The following CD82 variants were observed in gnomAD, a reference collection of about 807,000 sequenced individuals.
CD82 encodes the protein CD82 molecule, also known as CD82 antigen.
Under a neutral mutation model 37.4 loss-of-function variants are expected in CD82, and 36 were observed. The observed-to-expected ratio is 0.96, with a 90% CI of 0.74 to 1.27. CD82 has a LOEUF of 1.27. Ranked by LOEUF, CD82 falls within the 50% of genes most tolerant of loss-of-function variation. The pLI, the probability that CD82 is intolerant of heterozygous loss-of-function variation, is 0.00. For synonymous variants in CD82, 158 were observed against 137.4 expected, an observed-to-expected ratio of 1.15 and a Z score of -1.05; for missense variants, 340 against 347.0, an observed-to-expected ratio of 0.98 and a Z score of 0.16.
At position 44,582,795 on chromosome 11, in the gene CD82, G is replaced by T. The variant is rs182109600; in HGVS notation, c.-102-4680G>T. Among the ~76,000 whole-genome samples, 4 of 152,302 alleles carry T rather than the reference G, an allele frequency of 2.6e-5. No individual in the cohort carries two copies. In the East Asian group the frequency reaches 5.8e-4, roughly 22 times the overall value. On this transcript the variant is annotated intron_variant, in intron 1 of 9. Coordinates refer to ENST00000227155, the MANE Select transcript of CD82 (RefSeq NM_002231.4). ...AGAGCTTTCCGATCAATGAGCTGTT[G>T]AGATGGTTATCTCTGGAGCCCTTGA...
intron 1 of CD82, among the ~76,000 whole-genome samples, chr11:44,575,366 G>A (rs1852875925): frequency 6.6e-6 from 1 of 152,226 alleles, no homozygotes; most frequent in Admixed American, 6.5e-5. Flanking sequence ...CTCCCCAACA[G>A]TCTCCTGGAA....
intron 1 of CD82, among the ~76,000 whole-genome samples, chr11:44,580,297 C>T (rs1159726338): frequency 1.3e-5 from 2 of 152,244 alleles, no homozygotes; most frequent in African/African-American, 4.8e-5. Flanking sequence ...CTCTGTCTCA[C>T]TTACTCCTCT....
intron 6 of CD82, among the ~76,000 whole-genome samples, chr11:44,612,088 G>T (rs940589942): frequency 6.6e-6 from 1 of 152,228 alleles, no homozygotes; most frequent in African/African-American, 2.4e-5. Context: ...CACCCACTGG[G>T]GTTGAGAGGT....
chr11:44,593,918 A>G (rs1345186986), intron 2 of CD82, among the ~76,000 whole-genome samples: 2 of 152,236 alleles, frequency 1.3e-5, no homozygotes, highest in Admixed American at 1.3e-4. Context: ...ATAGAGAGTG[A>G]AGATTGTAGA....
chr11:44,604,813 A>T, intron 4 of CD82: 1 of 553,386 alleles, frequency 1.8e-6, no homozygotes, highest in Non-Finnish European at 3.2e-6. Flanking sequence ...CTTACGAAGT[A>T]AAAAATAAAG....
chr11:44,594,389 C>T (rs1317864501), intron 2 of CD82, among the ~76,000 whole-genome samples: 1 of 57,004 alleles, frequency 1.8e-5, no homozygotes, highest in African/African-American at 9.6e-5. Flanking sequence ...TTTGCTCCCA[C>T]CAGCCCCAGC....
At chr11:44,587,799 C>G (rs11038073) in intron 2 of CD82, 25,952 of 353,220 alleles carry the variant, frequency 0.073, 1,107 homozygotes, top group Middle Eastern at 0.12. Flanking sequence ...ACCTGACACA[C>G]CCCCAACCTG....
intron 1 of CD82, among the ~76,000 whole-genome samples, chr11:44,583,548 G>A (rs1034357662): frequency 6.6e-5 from 10 of 152,152 alleles, no homozygotes; most frequent in Admixed American, 2.0e-4. Context: ...GGCAGCAGGC[G>A]GCAGAGGTGT....
At chr11:44,571,353 G>T (rs1171875185) in intron 1 of CD82, among the ~76,000 whole-genome samples, 2 of 152,178 alleles carry the variant, frequency 1.3e-5, no homozygotes, top group African/African-American at 4.8e-5. Flanking sequence ...AATTGCCTAA[G>T]GATGATTCCC....
intron 1 of CD82, among the ~76,000 whole-genome samples, chr11:44,567,839 C>G (rs923599688): frequency 2.0e-5 from 3 of 152,198 alleles, no homozygotes; most frequent in African/African-American, 7.2e-5. Flanking sequence ...GAGGGATCTT[C>G]AGGGCCTTAC....
At chr11:44,601,051 G>A (rs1312245597) in intron 4 of CD82, among the ~76,000 whole-genome samples, 2 of 152,158 alleles carry the variant, frequency 1.3e-5, no homozygotes, top group African/African-American at 4.8e-5. Flanking sequence ...GCCTCCTCCA[G>A]GAAGCCGTCA....
At position 44,619,131 on chromosome 11, in the gene CD82, G is replaced by A; in HGVS notation, c.*5G>A. Reference sequence around the variant, plus strand: ...AGCAAGGTCCCCAAGTACTGAGGCAGCTGCTATCCCCATCTCCCTGCCTGG... The same window carrying A: ...AGCAAGGTCCCCAAGTACTGAGGCAACTGCTATCCCCATCTCCCTGCCTGG... On this transcript the variant is annotated 3_prime_UTR_variant, in exon 10 of 10. Coordinates refer to ENST00000227155, the MANE Select transcript of CD82 (RefSeq NM_002231.4). 6.2e-7 allele frequency: 1 copy of A among 1,612,378 alleles called. No homozygotes were observed. The highest frequency in any genetic ancestry group is 8.5e-7 in the Non-Finnish European group (1 of 1,178,574).
At chr11:44,587,167 C>G in intron 1 of CD82, 1 of 341,494 alleles carries the variant, frequency 2.9e-6, no homozygotes, top group East Asian at 7.5e-5. Flanking sequence ...TAGGGAGGGC[C>G]TTTGGGAGGA....
chr11:44,609,585 C>G (rs1417429759), intron 6 of CD82, among the ~76,000 whole-genome samples: 4 of 152,196 alleles, frequency 2.6e-5, no homozygotes, highest in Non-Finnish European at 4.4e-5. Flanking sequence ...CCTCCTTGCT[C>G]TCACCCTGAA....
At chr11:44,613,591 G>A (rs1274797765) in intron 6 of CD82, among the ~76,000 whole-genome samples, 3 of 152,144 alleles carry the variant, frequency 2.0e-5, no homozygotes, top group Non-Finnish European at 4.4e-5. Flanking sequence ...GGGAGGCTGG[G>A]CTGGGTGGAT....
intron 1 of CD82, among the ~76,000 whole-genome samples, chr11:44,578,740 G>A (rs1852936232): frequency 6.6e-6 from 1 of 152,186 alleles, no homozygotes; most frequent in Admixed American, 6.5e-5. Context: ...AGGAGAGGCC[G>A]GCGGATGGCT....
chr11:44,575,071 A>T (rs1183988209), intron 1 of CD82, among the ~76,000 whole-genome samples: 3 of 152,174 alleles, frequency 2.0e-5, no homozygotes, highest in African/African-American at 7.2e-5. Flanking sequence ...AGAATCTCCC[A>T]CCATAACCAG....
chr11:44,618,505 A>G, intron 8 of CD82, 135 bp from the exon 9 acceptor site: 1 of 1,054,856 alleles, frequency 9.5e-7, no homozygotes, highest in Non-Finnish European at 1.4e-6. Context: ...CTTCTTTGTT[A>G]ATGTATTTAT....
intron 3 of CD82, among the ~76,000 whole-genome samples, chr11:44,596,100 G>A (rs1853222256): frequency 6.6e-6 from 1 of 152,152 alleles, no homozygotes; most frequent in Non-Finnish European, 1.5e-5. Flanking sequence ...GCTCCCTCCT[G>A]GAGGACCCTG....
Sources: allele counts gnomAD v4.1 joint callset (sites outside exome capture counted in the v4.1 genomes callset), GRCh38; gene constraint gnomAD v4.1.1; transcripts MANE v1.5; gene names NCBI Gene and HGNC (gene_info 2026-07-23, HGNC 2026-07-21).